GALNT10: variants seen among roughly 807,000 people sequenced by gnomAD.
GALNT10 encodes the protein polypeptide N-acetylgalactosaminyltransferase 10.
Under a neutral mutation model 75.0 loss-of-function variants are expected in GALNT10, and 41 were observed. The ratio of observed to expected loss-of-function variants is 0.55; its 90% CI spans 0.43 to 0.71. The LOEUF (loss-of-function observed/expected upper bound fraction) is 0.71, where lower values mean the gene tolerates loss of function less well. Ranked by LOEUF, GALNT10 falls within the 30% of genes least tolerant of loss-of-function variation. The pLI is 0.00. For missense variants in GALNT10, 727 were observed against 818.5 expected (o/e 0.89, Z 1.36); for synonymous variants, 302 against 313.0 (o/e 0.96, Z 0.37).
intron 6 of GALNT10, among the ~76,000 whole-genome samples, chr5:154,383,560 G>A (rs1323029543): frequency 6.6e-6 from 1 of 152,134 alleles, no homozygotes. Flanking sequence ...GCCTCTCTCT[G>A]GAGGCAAAGC....
Position 154,298,060 on chromosome 5 carries a change from C to T in GALNT10, c.382C>T (p.Pro128Ser). 1 of 1,612,988 alleles carries T rather than the reference C, an allele frequency of 6.2e-7. No homozygotes were observed. The highest frequency in any genetic ancestry group is 8.5e-7 in the Non-Finnish European group (1 of 1,179,356). ...SDKISLNRSL[P>S]DIRHPNCNSK... ...TAAAATCTCCTTGAATCGCTCTCTC[C>T]CAGATATCCGGCACCCAAAGTGAGT... The change falls in exon 3 of 12, where the codon CCA becomes TCA. Residue 128 changes from proline to serine, a missense_variant. Physicochemically the swap from Pro to Ser is moderately conservative, Grantham distance 74. Transcript: ENST00000297107. This position sits in a 1 kb window ranked among gnomAD's most constrained non-coding sequence, Gnocchi z 4.1.
intron 4 of GALNT10, among the ~76,000 whole-genome samples, chr5:154,374,325 T>G (rs888863141): frequency 6.6e-6 from 1 of 152,220 alleles, no homozygotes; most frequent in Non-Finnish European, 1.5e-5. Context: ...TGTATGTATG[T>G]AGATCATCTT....
intron 1 of GALNT10, among the ~76,000 whole-genome samples, chr5:154,256,347 GTTTTTGT>G (rs1278305461): frequency 5.8e-4 from 12 of 20,636 alleles, no homozygotes; most frequent in African/African-American, 1.5e-3. Context: ...AGAGGCTGTT[GTTTTTGT>G]TTTTTTTTTT....
chr5:154,292,373 A>AT (rs1754206889), intron 1 of GALNT10, among the ~76,000 whole-genome samples: 1 of 152,188 alleles, frequency 6.6e-6, no homozygotes, highest in Non-Finnish European at 1.5e-5. Flanking sequence ...TCCTCTTCAG[A>AT]TACAACACTT....
chr5:154,293,609 A>ATGTTTTTTTTTTTTTTTTT (rs1466080479), intron 1 of GALNT10, among the ~76,000 whole-genome samples: 1 of 122,706 alleles, frequency 8.1e-6, no homozygotes, highest in Non-Finnish European at 1.8e-5. Context: ...ATATATATAT[A>ATGTTTTTTTTTTTTTTTTT]TATATTTTTT....
chr5:154,301,648 C>A (rs61197056), intron 3 of GALNT10, among the ~76,000 whole-genome samples: 22,530 of 151,442 alleles, frequency 0.15, 1,841 homozygotes, highest in Non-Finnish European at 0.18. Context: ...CTTGCCTCAG[C>A]CTCCTGAGGA....
intron 4 of GALNT10, among the ~76,000 whole-genome samples, chr5:154,344,986 G>T (rs1335610281): frequency 6.6e-6 from 1 of 152,188 alleles, no homozygotes; most frequent in Non-Finnish European, 1.5e-5. Flanking sequence ...CCCGAGTCCA[G>T]GCTGTCTGTC....
chr5:154,318,526 TTCTC>T (rs1332895946), intron 3 of GALNT10, among the ~76,000 whole-genome samples: 6 of 152,212 alleles, frequency 3.9e-5, no homozygotes, highest in East Asian at 1.9e-4. Context: ...GGCAAGTTTC[TTCTC>T]TCTATCTTGT....
At chr5:154,288,087 G>A (rs897118782) in intron 1 of GALNT10, among the ~76,000 whole-genome samples, 1 of 152,102 alleles carries the variant, frequency 6.6e-6, no homozygotes, top group Non-Finnish European at 1.5e-5. Context: ...AGAGGAAGGT[G>A]GAGGGGAGCC....
chr5:154,314,078 C>G (rs1015613796), intron 3 of GALNT10, among the ~76,000 whole-genome samples: 1 of 152,152 alleles, frequency 6.6e-6, no homozygotes, highest in African/African-American at 2.4e-5. Context: ...TGACCTATAC[C>G]GTGGCCTCTG....
At chr5:154,294,303 T>C (rs531063926) in intron 1 of GALNT10, among the ~76,000 whole-genome samples, 1 of 152,276 alleles carries the variant, frequency 6.6e-6, no homozygotes, top group South Asian at 2.1e-4. Flanking sequence ...CACTGTACTC[T>C]AGCCTGGCCA....
intron 1 of GALNT10, among the ~76,000 whole-genome samples, chr5:154,195,000 G>A (rs1774913764): frequency 6.6e-6 from 1 of 152,210 alleles, no homozygotes; most frequent in Admixed American, 6.5e-5. Flanking sequence ...TTAAGGGTAT[G>A]TTCATATTTG....
chr5:154,195,684 GC>G (rs1003770508), intron 1 of GALNT10, among the ~76,000 whole-genome samples: 1 of 152,194 alleles, frequency 6.6e-6, no homozygotes, highest in African/African-American at 2.4e-5. Flanking sequence ...AGGGAGGAAC[GC>G]AGATCAGAAT....
chr5:154,293,112 C>T (rs1283201078), intron 1 of GALNT10, among the ~76,000 whole-genome samples: 1 of 152,098 alleles, frequency 6.6e-6, no homozygotes, highest in African/African-American at 2.4e-5. Context: ...AGATGTTGAG[C>T]CATTGTGGAA....
intron 7 of GALNT10, among the ~76,000 whole-genome samples, chr5:154,401,432 C>A (rs181028431): frequency 2.4e-4 from 36 of 152,358 alleles, no homozygotes; most frequent in Admixed American, 2.4e-3. Context: ...ACCCGCCAGG[C>A]AAAAGCATCA....
At chr5:154,383,520 A>G (rs1189328438) in intron 6 of GALNT10, among the ~76,000 whole-genome samples, 1 of 152,244 alleles carries the variant, frequency 6.6e-6, no homozygotes, top group Non-Finnish European at 1.5e-5. Flanking sequence ...TGCCAAACAC[A>G]GCAGAAACCA....
intron 5 of GALNT10, among the ~76,000 whole-genome samples, chr5:154,378,393 A>T (rs1303425003): frequency 6.6e-6 from 1 of 152,004 alleles, no homozygotes; most frequent in Non-Finnish European, 1.5e-5. Context: ...TTAACATTTG[A>T]ATTTGACCAT....
At chr5:154,252,324 G>T (rs1472960584) in intron 1 of GALNT10, among the ~76,000 whole-genome samples, 1 of 152,044 alleles carries the variant, frequency 6.6e-6, no homozygotes, top group Non-Finnish European at 1.5e-5. Flanking sequence ...CAATCAGTTT[G>T]CTTGCCTGAA....
chr5:154,400,558 A>G (rs936060232), intron 7 of GALNT10, among the ~76,000 whole-genome samples: 5 of 152,194 alleles, frequency 3.3e-5, no homozygotes, highest in African/African-American at 4.8e-5. Flanking sequence ...ACAGTCCCCA[A>G]TAGGGAGAAG....
Sources: gnomAD v4.1 joint callset for allele counts (sites outside exome capture counted in the v4.1 genomes callset) on GRCh38, gnomAD v4.1.1 for gene constraint, Gnocchi (gnomAD v3.1) non-coding constraint, MANE v1.5 for transcripts, NCBI Gene and HGNC (gene_info 2026-07-23, HGNC 2026-07-21) for gene names.